PEAK1: variants seen among roughly 807,000 people sequenced by gnomAD.
The protein encoded by PEAK1 is pseudopodium enriched atypical kinase 1.
PEAK1 carries 54 observed loss-of-function variants against 124.7 expected under a neutral mutation model. The observed-to-expected ratio is 0.43, with a 90% CI of 0.35 to 0.54. PEAK1 has a LOEUF of 0.54. Ranked by LOEUF, PEAK1 falls within the 20% of genes least tolerant of loss-of-function variation. The pLI is 0.01. For missense variants in PEAK1, 2,046 were observed against 2,134.5 expected (o/e 0.96, Z 0.82); for synonymous variants, 719 against 760.0 (o/e 0.95, Z 0.89).
chr15:77,367,522 A>T (rs1041964897), intron 1 of PEAK1, among the ~76,000 whole-genome samples: 1 of 152,218 alleles, frequency 6.6e-6, no homozygotes, highest in African/African-American at 2.4e-5. Flanking sequence ...TAATTTTACT[A>T]AAGTGGATTT....
rs559022135 is a variant in PEAK1 at position 77,205,698 on chromosome 15, G to A, written c.-114-23658C>T. On this transcript the variant is annotated intron_variant, in intron 6 of 9. Coordinates refer to ENST00000682557, the MANE Select transcript of PEAK1 (RefSeq NM_001385026.1). The stretch of plus-strand genomic sequence containing the variant: ...GTATATGCTATTAAATTGTGAATTG[G>A]TAGGATGTATGTAACAGCTTATGAA... Among the ~76,000 whole-genome samples, 24 of 152,308 alleles carry A rather than the reference G, an allele frequency of 1.6e-4. 1 individual carries two copies. The highest frequency in any genetic ancestry group is 5.8e-4 in the African/African-American group (24 of 41,558).
intron 1 of PEAK1, among the ~76,000 whole-genome samples, chr15:77,408,154 T>TATAC (rs1555504227): frequency 0.041 from 5,979 of 144,268 alleles, 203 homozygotes; most frequent in African/African-American, 0.093. Context: ...CATATATACA[T>TATAC]ACACACACAC....
intron 7 of PEAK1, among the ~76,000 whole-genome samples, chr15:77,174,107 C>G (rs1313030822): frequency 6.6e-6 from 1 of 152,122 alleles, no homozygotes; most frequent in African/African-American, 2.4e-5. Flanking sequence ...TAATGTTTCC[C>G]CCTATTTGTT....
chr15:77,357,284 T>TTA, intron 2 of PEAK1, among the ~76,000 whole-genome samples: 1 of 152,300 alleles, frequency 6.6e-6, no homozygotes. Flanking sequence ...TTGTTTTCTT[T>TTA]TTTTAAATGA....
At chr15:77,294,749 T>C (rs763841126) in intron 2 of PEAK1, among the ~76,000 whole-genome samples, 1 of 152,180 alleles carries the variant, frequency 6.6e-6, no homozygotes, top group East Asian at 1.9e-4. Context: ...CTAGTATAGA[T>C]GCTGGACATT....
chr15:77,305,541 C>T (rs2064051571), intron 2 of PEAK1, among the ~76,000 whole-genome samples: 1 of 152,076 alleles, frequency 6.6e-6, no homozygotes, highest in South Asian at 2.1e-4. Flanking sequence ...ACTAAAAGTT[C>T]CTGACCAGGA....
intron 5 of PEAK1, among the ~76,000 whole-genome samples, chr15:77,261,550 G>A (rs1001711516): frequency 2.7e-5 from 4 of 149,052 alleles, no homozygotes; most frequent in Admixed American, 6.7e-5. Flanking sequence ...AATGAAATGC[G>A]AGTTTAGAAA....
chr15:77,378,067 T>C (rs1198081750), intron 1 of PEAK1, among the ~76,000 whole-genome samples: 1 of 152,026 alleles, frequency 6.6e-6, no homozygotes, highest in Non-Finnish European at 1.5e-5. Flanking sequence ...ACAAAACAAC[T>C]AGCCTATCAT....
rs1390759160 is a variant in PEAK1, at chr15:77,336,492, T to C, written c.-603+28671A>G. ...AATTTGGCCGTTTGCTAATCATGTC[T>C]ATAAAAGCAGCTCTTCAGTTGCTTG... is the stretch of plus-strand genomic sequence containing the variant. On this transcript the variant is annotated intron_variant, in intron 2 of 9. Transcript: ENST00000682557. The C allele has an allele frequency of 3.0e-6, 3 of 985,320 alleles. No individual in the cohort carries two copies. In the Admixed American group the frequency reaches 1.8e-4, roughly 61 times the overall value. 61.0% of individuals were successfully genotyped at this position (985,320 alleles called of 1,614,324 possible). A position where few individuals can be genotyped will look rare whatever the true frequency, so the allele number is the denominator to read the frequency against.
chr15:77,402,006 C>A, intron 1 of PEAK1: 2 of 788,178 alleles, frequency 2.5e-6, no homozygotes, highest in Non-Finnish European at 3.1e-6. Context: ...CAAGACCAAC[C>A]TGGCCAACAT....
At chr15:77,216,319 A>T (rs1411352514) in intron 6 of PEAK1, among the ~76,000 whole-genome samples, 1 of 152,216 alleles carries the variant, frequency 6.6e-6, no homozygotes. Flanking sequence ...GGATTTTCAA[A>T]TTTTTCTGCA....
intron 2 of PEAK1, chr15:77,333,122 T>C (rs575997956): frequency 1.0e-6 from 1 of 980,988 alleles, no homozygotes; most frequent in African/African-American, 1.7e-5. Flanking sequence ...TGATACATAA[T>C]TTTTTGTGCA....
At chr15:77,395,510 C>T (rs182847814) in intron 1 of PEAK1, among the ~76,000 whole-genome samples, 1 of 152,114 alleles carries the variant, frequency 6.6e-6, no homozygotes, top group East Asian at 1.9e-4. Context: ...GACATTTAAT[C>T]ATCAAACTTT....
At chr15:77,172,933 T>C (rs2056609457) in intron 7 of PEAK1, among the ~76,000 whole-genome samples, 1 of 152,106 alleles carries the variant, frequency 6.6e-6, no homozygotes, top group South Asian at 2.1e-4. Context: ...TTAAAATTTT[T>C]AGTAGAGACA....
chr15:77,186,328 G>A (rs140101367), intron 6 of PEAK1, among the ~76,000 whole-genome samples: 4 of 152,168 alleles, frequency 2.6e-5, no homozygotes, highest in African/African-American at 9.7e-5. Context: ...CTTTTTCAAA[G>A]ACTAGTAGAT....
chr15:77,171,174 T>A (rs2056476734), intron 7 of PEAK1, among the ~76,000 whole-genome samples: 1 of 152,176 alleles, frequency 6.6e-6, no homozygotes, highest in Non-Finnish European at 1.5e-5. Context: ...AGCCAAACAT[T>A]TCAACATGTC....
chr15:77,247,550 A>G (rs543057579), intron 6 of PEAK1, among the ~76,000 whole-genome samples: 12 of 121,534 alleles, frequency 9.9e-5, no homozygotes, highest in Non-Finnish European at 1.7e-4. Context: ...GTGCAATGGC[A>G]CAACCTCCAC....
At chr15:77,193,843 A>G (rs1473429248) in intron 6 of PEAK1, among the ~76,000 whole-genome samples, 3 of 151,804 alleles carry the variant, frequency 2.0e-5, no homozygotes, top group Non-Finnish European at 4.4e-5. Context: ...AAACTAAACT[A>G]AACTAAACTA....
chr15:77,194,332 C>T (rs2152837222), intron 6 of PEAK1, among the ~76,000 whole-genome samples: 1 of 152,294 alleles, frequency 6.6e-6, no homozygotes, highest in South Asian at 2.1e-4. Flanking sequence ...TCCTTAACTA[C>T]TTTAACTCTT....
Sources: allele counts gnomAD v4.1 joint callset (sites outside exome capture counted in the v4.1 genomes callset), GRCh38; gene constraint gnomAD v4.1.1; transcripts MANE v1.5; gene names NCBI Gene and HGNC (gene_info 2026-07-23, HGNC 2026-07-21).